VPS13A: variants seen among roughly 807,000 people sequenced by gnomAD.
VPS13A encodes intermembrane lipid transfer protein VPS13A.
In VPS13A, 264 loss-of-function variants were observed where a neutral mutation model predicts 390.9. The ratio of observed to expected loss-of-function variants is 0.68; its 90% CI spans 0.61 to 0.75. The LOEUF is 0.75. Ranked by LOEUF, VPS13A falls within the 30% of genes least tolerant of loss-of-function variation. VPS13A has a pLI of 0.00. For synonymous variants in VPS13A, 1,231 were observed against 1,227.1 expected, an observed-to-expected ratio of 1.00 and a Z score of -0.07; for missense variants, 3,409 against 3,733.9, an observed-to-expected ratio of 0.91 and a Z score of 2.27.
rs1246698471 is a variant in VPS13A, at chr9:77,321,686, G to T, written c.5770G>T (p.Asp1924Tyr). The T allele has an allele frequency of 1.2e-6, 2 of 1,613,232 alleles. No homozygotes were observed. Among genetic ancestry groups the T allele is most frequent in the South Asian group, 2.2e-5 (2 of 91,044 alleles). The part of the protein sequence containing the change: ...SLSMDYIRTK[D>Y]NDHFNAMTSL... The stretch of plus-strand genomic sequence containing the variant: ...AAGTATGGATTATATCCGAACCAAG[G>T]ACAATGATCATTTCAATGCAATGAC... Residue 1924 changes from aspartate (D) to tyrosine (Y), a missense_variant, in exon 44 of 72, where the codon GAC becomes TAC. By Grantham distance (160) the Asp-to-Tyr change is radical. Coordinates refer to ENST00000360280, the MANE Select transcript of VPS13A (RefSeq NM_033305.3).
At chr9:77,306,719 T>C (rs1828773638) in intron 34 of VPS13A, among the ~76,000 whole-genome samples, 1 of 151,924 alleles carries the variant, frequency 6.6e-6, no homozygotes, top group Non-Finnish European at 1.5e-5. Flanking sequence ...TTACCTAGAG[T>C]CTAGAGATTT....
At chr9:77,314,965 C>T (rs1347550382) in intron 37 of VPS13A, among the ~76,000 whole-genome samples, 1 of 152,038 alleles carries the variant, frequency 6.6e-6, no homozygotes, top group East Asian at 1.9e-4. Flanking sequence ...TATTGTTAAT[C>T]CATGCTAATT....
At chr9:77,253,120 T>A (rs1825235954) in intron 22 of VPS13A, among the ~76,000 whole-genome samples, 1 of 152,220 alleles carries the variant, frequency 6.6e-6, no homozygotes, top group African/African-American at 2.4e-5. Context: ...ATTTCTTCAC[T>A]GCCTCTACAA....
In VPS13A at chr9:77,247,301, A is replaced by G; in HGVS notation, c.1943A>G (p.Lys648Arg). 1 of 1,607,438 alleles carries G rather than the reference A, an allele frequency of 6.2e-7. No individual in the cohort carries two copies. The highest frequency in any genetic ancestry group is 8.5e-7 in the Non-Finnish European group (1 of 1,176,542). ...GAAACACAGAAAGTTCTTGATCTCA[A>G]AATTAATTTGAAGGCTTCATATATT... ...IIETQKVLDLKINLKASYIIV... is the reference protein window; with the variant it reads ...IIETQKVLDLRINLKASYIIV... The change falls in exon 20 of 72, where the codon AAA (lysine) becomes AGA (arginine). Residue 648 changes from lysine (K) to arginine (R), a missense_variant. Physicochemically the swap from Lys to Arg is conservative, Grantham distance 26 (BLOSUM62 2). This residue lies in a region of VPS13A where 2,717 missense variants were observed against 2,917.4 expected (regional missense o/e 0.93). Transcript: ENST00000360280.
intron 68 of VPS13A, among the ~76,000 whole-genome samples, chr9:77,394,684 A>G (rs1200404485): frequency 6.6e-6 from 1 of 152,214 alleles, no homozygotes; most frequent in Non-Finnish European, 1.5e-5. Flanking sequence ...TCTCATCTAC[A>G]TTGAAAATCT....
At position 77,283,613 on chromosome 9, in the gene VPS13A, TTG is replaced by T; in HGVS notation, c.3304_3305del (p.Val1102PhefsTer4). On this transcript the variant is annotated frameshift_variant, in exon 31 of 72. Coordinates refer to ENST00000360280, the MANE Select transcript of VPS13A (RefSeq NM_033305.3). LOFTEE classifies it high-confidence loss of function. The stretch of plus-strand genomic sequence containing the variant: ...ATAAACGCAAAGCTAAGGAATATAA[TTG>T]TTTTAGATTCTGATATAACAGCTAT... The T allele has an allele frequency of 1.9e-6, 3 of 1,612,848 alleles. No individual in the cohort carries two copies. The highest frequency in any genetic ancestry group is 2.5e-6 in the Non-Finnish European group (3 of 1,179,312).
chr9:77,383,146 AT>A, intron 68 of VPS13A: 1 of 655,944 alleles, frequency 1.5e-6, no homozygotes, highest in Non-Finnish European at 1.9e-6. Flanking sequence ...AAACTTCAGT[AT>A]TTTACCTATT....
intron 56 of VPS13A, 36 bp downstream of exon 56, chr9:77,357,874 C>G: frequency 3.9e-6 from 6 of 1,554,666 alleles, no homozygotes; most frequent in Non-Finnish European, 5.3e-6. Context: ...AAATTGTATT[C>G]TAAAGGAATG....
chr9:77,250,050 A>G (rs1482676097), intron 20 of VPS13A, 47 bp from the exon 21 acceptor site: 1 of 1,602,184 alleles, frequency 6.2e-7, no homozygotes, highest in South Asian at 1.1e-5. Context: ...TTATACTTAC[A>G]TTTTGAAGTA....
At chr9:77,309,925 T>C (rs1828973755) in intron 35 of VPS13A, among the ~76,000 whole-genome samples, 1 of 151,834 alleles carries the variant, frequency 6.6e-6, no homozygotes, top group Admixed American at 6.6e-5. Context: ...AATGATTGCA[T>C]GATTGATTTT....
chr9:77,266,525 G>T (rs1826044756), intron 23 of VPS13A, among the ~76,000 whole-genome samples: 1 of 152,046 alleles, frequency 6.6e-6, no homozygotes, highest in South Asian at 2.1e-4. Flanking sequence ...TCTGCAGAGA[G>T]CTCTGCTGTT....
chr9:77,295,950 TA>T, intron 33 of VPS13A, 104 bp downstream of exon 33: 1 of 1,156,572 alleles, frequency 8.6e-7, no homozygotes, highest in Admixed American at 2.2e-5. Flanking sequence ...TTTATTTTAT[TA>T]ATTATACATA....
chr9:77,407,575 ATAAT>A lies in VPS13A; in HGVS notation c.9446_9449del (p.Ile3149ThrfsTer38), dbSNP rs1834685376. On this transcript the variant is annotated frameshift_variant, in exon 71 of 72. Coordinates refer to ENST00000360280, the MANE Select transcript of VPS13A (RefSeq NM_033305.3). LOFTEE classifies it high-confidence loss of function. ...ATTTCATGCCAGAGAGTTTGGAAAA[ATAAT>A]TAACTTCAAGACCCCAGAGGATGCC... 6.2e-7 allele frequency: 1 copy of A among 1,613,186 alleles called. No homozygotes were observed. Among genetic ancestry groups the A allele is most frequent in the South Asian group, 1.1e-5 (1 of 91,018 alleles).
chr9:77,365,473 A>T lies in VPS13A; in HGVS notation c.8225A>T (p.His2742Leu), dbSNP rs145686832. 3.7e-6 allele frequency: 6 copies of T among 1,607,608 alleles called. No homozygotes were observed. The highest frequency in any genetic ancestry group is 3.3e-5 in the South Asian group (3 of 90,900). ...VTENTEVELF[H>L]KDIEAFKEEY... ...TTCCTTTTATAGGTTGAGCTTTTTC[A>T]TAAAGATATAGAAGCTTTCAAAGAA... The change falls in exon 60 of 72, where the codon CAT becomes CTT. Residue 2742 changes from histidine (H) to leucine (L), a missense_variant. By Grantham distance (99) the His-to-Leu change is moderately conservative. Coordinates refer to ENST00000360280, the MANE Select transcript of VPS13A (RefSeq NM_033305.3).
At chr9:77,285,023 A>G (rs1564695332) in intron 31 of VPS13A, among the ~76,000 whole-genome samples, 2 of 152,142 alleles carry the variant, frequency 1.3e-5, no homozygotes, top group African/African-American at 2.4e-5. Flanking sequence ...TATTTTTAAT[A>G]TATCTACAAG....
chr9:77,182,949 G>A (rs968522407), intron 1 of VPS13A, among the ~76,000 whole-genome samples: 2 of 152,166 alleles, frequency 1.3e-5, no homozygotes, highest in Non-Finnish European at 2.9e-5. Context: ...GATTCAGTTA[G>A]GATACAGTTT....
At chr9:77,243,718 G>A (rs912639710) in intron 19 of VPS13A, among the ~76,000 whole-genome samples, 3 of 152,118 alleles carry the variant, frequency 2.0e-5, no homozygotes, top group Admixed American at 1.3e-4. Context: ...AGGGAACATA[G>A]CAATGATCAG....
chr9:77,208,799 C>A (rs1480347010), intron 5 of VPS13A, among the ~76,000 whole-genome samples: 1 of 152,228 alleles, frequency 6.6e-6, no homozygotes, highest in Admixed American at 6.5e-5. Flanking sequence ...ATCTGCCCAC[C>A]TTGGCCTCCC....
intron 56 of VPS13A, 140 bp from the exon 57 acceptor site, chr9:77,358,217 A>C: frequency 9.6e-6 from 7 of 728,866 alleles, no homozygotes; most frequent in Non-Finnish European, 1.4e-5. Context: ...CGGCCTCCCA[A>C]AGTGCTGGGA....
Sources: allele counts gnomAD v4.1 joint callset (sites outside exome capture counted in the v4.1 genomes callset), GRCh38; gene constraint gnomAD v4.1.1; regional missense constraint gnomAD v4.1.1; transcripts MANE v1.5; gene names NCBI Gene and HGNC (gene_info 2026-07-23, HGNC 2026-07-21).